DYTN: variants seen among roughly 807,000 people sequenced by gnomAD.
The protein encoded by DYTN is dystrotelin.
Under a neutral mutation model 69.6 loss-of-function variants are expected in DYTN, and 75 were observed. That is an observed-to-expected ratio of 1.08 (90% confidence interval 0.89 to 1.31). The LOEUF (loss-of-function observed/expected upper bound fraction) is 1.31, where lower values mean the gene tolerates loss of function less well. Among genes scored for constraint, DYTN ranks in the 50% most tolerant of loss-of-function variants. The probability of loss-of-function intolerance (pLI) is 0.00; values close to 1 mark genes in which losing one functional copy is unlikely to be tolerated. For missense variants in DYTN, 726 were observed against 688.4 expected (o/e 1.05, Z -0.61); for synonymous variants, 252 against 249.1 (o/e 1.01, Z -0.11).
Position 206,707,394 on chromosome 2 carries a change from C to T in DYTN, c.204G>A (p.Glu68=), listed in dbSNP as rs78679916. 3.5e-4 allele frequency: 571 copies of T among 1,613,306 alleles called. 2 individuals are homozygous for T. The African/African-American group carries it at 6.5e-3, about 18-fold the overall frequency. The change falls in exon 3 of 12, where the codon GAG becomes GAA. Residue 68 remains glutamate (E), a synonymous_variant. Transcript: ENST00000452335. Reference sequence around the variant, plus strand: ...TTTCCTCCCTGGCCTTCTGAAACAGCTCTTGGAGTGCCTGAGAAAGTTGCT... The same window carrying T: ...TTTCCTCCCTGGCCTTCTGAAACAGTTCTTGGAGTGCCTGAGAAAGTTGCT... ...SVQQLSQALQ[E]LFQKAREENP...
At chr2:206,689,575 T>C (rs11894582) in intron 9 of DYTN, among the ~76,000 whole-genome samples, 30,762 of 152,096 alleles carry the variant, frequency 0.2, 3,372 homozygotes, top group African/African-American at 0.27. Flanking sequence ...ACAGCCCTTG[T>C]AATTCCCTTT....
chr2:206,670,352 G>T (rs1699617245), intron 9 of DYTN: 1 of 151,792 alleles, frequency 6.6e-6, no homozygotes, highest in East Asian at 1.9e-4. Flanking sequence ...TGGAATCACA[G>T]GATTTCTTGG....
rs137918229 is a variant in DYTN, at chr2:206,677,212, T to C, written c.981-11183A>G. Among the ~76,000 whole-genome samples the C allele has an allele frequency of 1.7e-4, 26 of 152,320 alleles. No homozygotes were observed. In the East Asian group the frequency reaches 4.8e-3, roughly 28 times the overall value. ...ATCTGCCTGCCTCAGCCTCCTGAAG[T>C]GCTGGGATTACAGGTGTGAGCCACT... On this transcript the variant is annotated intron_variant, in intron 9 of 11. Transcript: ENST00000452335.
At chr2:206,676,144 C>T (rs1699683505) in intron 9 of DYTN, among the ~76,000 whole-genome samples, 1 of 152,156 alleles carries the variant, frequency 6.6e-6, no homozygotes, top group Admixed American at 6.6e-5. Context: ...TTTAATGCAG[C>T]ACTATTCACA....
At chr2:206,656,784 C>T (rs1471923704) in intron 11 of DYTN, among the ~76,000 whole-genome samples, 10 of 143,272 alleles carry the variant, frequency 7.0e-5, no homozygotes, top group South Asian at 6.5e-4. Context: ...TTTTTTGAGA[C>T]GGAGTTTCAC....
chr2:206,675,113 A>ATGTG (rs879629081), intron 9 of DYTN, among the ~76,000 whole-genome samples: 6,312 of 122,196 alleles, frequency 0.052, 207 homozygotes, highest in Admixed American at 0.12. Flanking sequence ...ACATATATAT[A>ATGTG]TATGTGTGTG....
intron 5 of DYTN, among the ~76,000 whole-genome samples, chr2:206,700,750 T>A (rs555939469): frequency 6.6e-6 from 1 of 152,260 alleles, no homozygotes; most frequent in East Asian, 1.9e-4. Flanking sequence ...GTCCTAATGC[T>A]CTCCCTTCCC....
At chr2:206,697,917 A>G (rs1248356346) in intron 7 of DYTN, among the ~76,000 whole-genome samples, 1 of 152,222 alleles carries the variant, frequency 6.6e-6, no homozygotes, top group Non-Finnish European at 1.5e-5. Context: ...AATTTTTGTC[A>G]TCTATAGAAT....
At chr2:206,711,552 CT>C (rs150580072) in intron 1 of DYTN, among the ~76,000 whole-genome samples, 2 of 151,322 alleles carry the variant, frequency 1.3e-5, no homozygotes, top group African/African-American at 4.9e-5. Context: ...TCTTACCTTT[CT>C]TTTTTTTGTT....
intron 11 of DYTN, among the ~76,000 whole-genome samples, chr2:206,655,985 T>C (rs1418332410): frequency 1.3e-5 from 2 of 152,166 alleles, no homozygotes; most frequent in African/African-American, 2.4e-5. Context: ...AGTCTTTATA[T>C]GTCTCTCAGG....
chr2:206,653,958 C>T (rs545902440), intron 11 of DYTN, among the ~76,000 whole-genome samples: 8 of 152,330 alleles, frequency 5.3e-5, no homozygotes, highest in East Asian at 3.9e-4. Context: ...CTCTAAGTCA[C>T]TCTCCACACA....
chr2:206,701,808 C>T (rs1463882320), intron 5 of DYTN, among the ~76,000 whole-genome samples: 1 of 152,230 alleles, frequency 6.6e-6, no homozygotes, highest in South Asian at 2.1e-4. Flanking sequence ...CATGAGATGG[C>T]AATGATGGTG....
At chr2:206,677,221 T>G (rs1428773812) in intron 9 of DYTN, among the ~76,000 whole-genome samples, 1 of 152,222 alleles carries the variant, frequency 6.6e-6, no homozygotes, top group Non-Finnish European at 1.5e-5. Flanking sequence ...GTGCTGGGAT[T>G]ACAGGTGTGA....
intron 11 of DYTN, among the ~76,000 whole-genome samples, chr2:206,655,197 T>C (rs1359197980): frequency 6.6e-6 from 1 of 152,126 alleles, no homozygotes; most frequent in Non-Finnish European, 1.5e-5. Flanking sequence ...TGAGAGTGTA[T>C]TGAATTCTGT....
intron 9 of DYTN, among the ~76,000 whole-genome samples, chr2:206,689,192 C>T (rs1699839952): frequency 6.6e-6 from 1 of 152,162 alleles, no homozygotes. Flanking sequence ...TCAGTGCAAA[C>T]TATCATGTGT....
chr2:206,666,911 C>G (rs369831071), intron 9 of DYTN, among the ~76,000 whole-genome samples: 1 of 151,372 alleles, frequency 6.6e-6, no homozygotes, highest in Non-Finnish European at 1.5e-5. Flanking sequence ...TAGCTGAGTG[C>G]GGTGGCACCT....
At chr2:206,694,675 CTG>C (rs1699900600) in intron 8 of DYTN, 89 bp downstream of exon 8, 1 of 1,001,030 alleles carries the variant, frequency 1.0e-6, no homozygotes, top group South Asian at 2.1e-5. Context: ...GGAGCAGAAT[CTG>C]TGGTTTCACT....
intron 6 of DYTN, 90 bp from the exon 7 acceptor site, chr2:206,699,980 G>A (rs1699959663): frequency 6.5e-7 from 1 of 1,548,766 alleles, no homozygotes; most frequent in South Asian, 1.3e-5. Flanking sequence ...CAGTTCTGCT[G>A]AAGAAGTTTA....
In DYTN at chr2:206,657,415, T is replaced by C. The variant is rs2105886314; in HGVS notation, c.1633+5488A>G. ...GACTCAGCCTCTCAAAGTGCTGGGA[T>C]TACAGATGTGAGCCACCACATCCAG... On this transcript the variant is annotated intron_variant, in intron 11 of 11. Transcript: ENST00000452335. 1.3e-5 allele frequency among the ~76,000 whole-genome samples: 2 copies of C among 152,318 alleles called. 1 individual carries two copies. The highest frequency in any genetic ancestry group is 3.9e-4 in the East Asian group (2 of 5,178).
Sources: gnomAD v4.1 joint callset for allele counts (sites outside exome capture counted in the v4.1 genomes callset) on GRCh38, gnomAD v4.1.1 for gene constraint, MANE v1.5 for transcripts, NCBI Gene and HGNC (gene_info 2026-07-23, HGNC 2026-07-21) for gene names.